SCN7A: variants seen among roughly 807,000 people sequenced by gnomAD.
SCN7A encodes sodium channel protein type 7 subunit alpha.
A neutral mutation model predicts 155.2 loss-of-function variants in SCN7A; 138 were observed. The ratio of observed to expected loss-of-function variants is 0.89; its 90% CI spans 0.77 to 1.02. The LOEUF is 1.02. Ranked by LOEUF, SCN7A falls within the 50% of genes least tolerant of loss-of-function variation. The probability of loss-of-function intolerance (pLI) is 0.00; values close to 1 mark genes in which losing one functional copy is unlikely to be tolerated. For synonymous variants in SCN7A, 693 were observed against 649.0 expected (o/e 1.07, Z -1.03); for missense variants, 2,058 against 1,986.6 (o/e 1.04, Z -0.68).
chr2:166,405,425 A>G lies in SCN7A; in HGVS notation c.*155T>C. Reference sequence around the variant, plus strand: ...TCTTGATTTGTTAGATATAATGCTAAAAAGTGAATTTGGCATGAAGTCTTG... The same window carrying G: ...TCTTGATTTGTTAGATATAATGCTAGAAAGTGAATTTGGCATGAAGTCTTG... On this transcript the variant is annotated 3_prime_UTR_variant, in exon 26 of 26. Coordinates refer to ENST00000643258, the MANE Select transcript of SCN7A (RefSeq NM_002976.4). The G allele has an allele frequency of 1.7e-6, 1 of 603,156 alleles. No homozygotes were observed. Among genetic ancestry groups the G allele is most frequent in the Non-Finnish European group, 2.8e-6 (1 of 353,474 alleles). 37.4% of individuals were successfully genotyped at this position (603,156 alleles called of 1,614,324 possible). A position where few individuals can be genotyped will look rare whatever the true frequency, so the allele number is the denominator to read the frequency against.
At chr2:166,410,384 T>A in intron 23 of SCN7A, 60 bp from the exon 24 acceptor site, 1 of 1,144,032 alleles carries the variant, frequency 8.7e-7, no homozygotes, top group Non-Finnish European at 1.2e-6. Context: ...TCCCTTATGT[T>A]AATAGGCATT....
chr2:166,489,308 A>G (rs1683026976), intron 1 of SCN7A, among the ~76,000 whole-genome samples: 1 of 152,234 alleles, frequency 6.6e-6, no homozygotes, highest in South Asian at 2.1e-4. Context: ...TAGCATGTGC[A>G]TAATGTTTTC....
chr2:166,449,322 G>A (rs916647331), intron 11 of SCN7A, among the ~76,000 whole-genome samples: 2 of 152,138 alleles, frequency 1.3e-5, no homozygotes, highest in Non-Finnish European at 2.9e-5. Context: ...GGTAAAGGCT[G>A]CTCTTGAATA....
chr2:166,447,345 T>C (rs1287494698), intron 12 of SCN7A, among the ~76,000 whole-genome samples: 1 of 152,144 alleles, frequency 6.6e-6, no homozygotes, highest in Non-Finnish European at 1.5e-5. Context: ...TATACCACAA[T>C]CTCTATATTT....
intron 1 of SCN7A, among the ~76,000 whole-genome samples, chr2:166,492,420 A>G (rs1232891350): frequency 6.6e-6 from 1 of 152,220 alleles, no homozygotes; most frequent in East Asian, 1.9e-4. Flanking sequence ...GGCCAAATAC[A>G]TTCAGCAATA....
intron 21 of SCN7A, among the ~76,000 whole-genome samples, chr2:166,414,217 T>A (rs1701292637): frequency 1.0e-5 from 1 of 99,742 alleles, no homozygotes; most frequent in Non-Finnish European, 1.9e-5. Context: ...TATGTAAATA[T>A]ATATAAATAT....
At chr2:166,444,654 A>G (rs556882793) in intron 13 of SCN7A, 108 bp downstream of exon 13, 1 of 662,922 alleles carries the variant, frequency 1.5e-6, no homozygotes, top group South Asian at 2.0e-5. Flanking sequence ...TGCATATTGC[A>G]ACATATTGGA....
chr2:166,413,538 T>C (rs1055819090), intron 21 of SCN7A, among the ~76,000 whole-genome samples: 1 of 151,960 alleles, frequency 6.6e-6, no homozygotes, highest in Non-Finnish European at 1.5e-5. Context: ...AGATAAAAAG[T>C]AGTGACTTGG....
In SCN7A at chr2:166,426,949, A is replaced by G. The variant is rs185556668; in HGVS notation, c.2853+839T>C. Among the ~76,000 whole-genome samples the G allele has an allele frequency of 1.9e-3, 282 of 152,250 alleles. 3 individuals carry two copies. The highest frequency in any genetic ancestry group is 1.8e-4 in the Non-Finnish European group (12 of 68,004). Reference sequence around the variant, plus strand: ...TGTTCTGTGCACCTCACAGTTAACTAGATCTTGTATGTAAGAATTCTCCTT... The same window carrying G: ...TGTTCTGTGCACCTCACAGTTAACTGGATCTTGTATGTAAGAATTCTCCTT... On this transcript the variant is annotated intron_variant, in intron 18 of 25. Coordinates refer to ENST00000643258, the MANE Select transcript of SCN7A (RefSeq NM_002976.4).
At chr2:166,491,630 G>A (rs1274804215) in intron 1 of SCN7A, among the ~76,000 whole-genome samples, 2 of 151,844 alleles carry the variant, frequency 1.3e-5, no homozygotes, top group South Asian at 2.1e-4. Context: ...TTGTCTGGTT[G>A]GTTAGTCCTC....
intron 20 of SCN7A, among the ~76,000 whole-genome samples, chr2:166,417,356 C>G (rs928758787): frequency 7.9e-5 from 12 of 151,956 alleles, no homozygotes; most frequent in Non-Finnish European, 1.3e-4. Flanking sequence ...ACCTGTAGTC[C>G]CAACTACTCG....
chr2:166,458,747 G>GATC (rs1354251130), intron 10 of SCN7A, among the ~76,000 whole-genome samples: 3 of 152,090 alleles, frequency 2.0e-5, no homozygotes, highest in African/African-American at 7.2e-5. Context: ...TGCCGCCTAG[G>GATC]ATCAATAGGC....
intron 12 of SCN7A, 52 bp from the exon 13 acceptor site, chr2:166,445,052 A>C: frequency 6.4e-5 from 72 of 1,125,794 alleles, no homozygotes; most frequent in Non-Finnish European, 8.7e-5. Flanking sequence ...GCAGTGGCTC[A>C]TGCCTGTAAT....
intron 21 of SCN7A, among the ~76,000 whole-genome samples, chr2:166,414,293 C>CATATATATATAT (rs1262942036): frequency 3.3e-4 from 14 of 42,086 alleles, no homozygotes; most frequent in Non-Finnish European, 4.3e-4. Flanking sequence ...TATACACACA[C>CATATATATATAT]ATATATATAT....
In SCN7A at chr2:166,465,987, CCTG is replaced by C. The variant is rs777690038; in HGVS notation, c.665-3_665-1del. 1 of 1,603,660 alleles carries C rather than the reference CCTG, an allele frequency of 6.2e-7. No homozygotes were observed. The highest frequency in any genetic ancestry group is 1.1e-5 in the South Asian group (1 of 90,038). Reference sequence around the variant, plus strand: ...CAGGACCCCTACAAGGGATTTCAGACCTGGAAAGAGAAACATTTGTTTTCGAAA... The same window carrying C: ...CAGGACCCCTACAAGGGATTTCAGACGAAAGAGAAACATTTGTTTTCGAAA... On this transcript the variant is annotated splice_acceptor_variant and splice_polypyrimidine_tract_variant and intron_variant, in intron 7 of 25. Transcript: ENST00000643258. LOFTEE classifies it high-confidence loss of function.
rs772100286 is a variant in SCN7A, at chr2:166,432,386, C to A, written c.2524G>T (p.Glu842Ter). 3 of 1,613,408 alleles carry A rather than the reference C, an allele frequency of 1.9e-6. No individual in the cohort carries two copies. In the South Asian group the frequency reaches 3.3e-5, roughly 18 times the overall value. Residue 842 changes from glutamate (E) to a stop codon, truncating the protein, a stop_gained, in exon 16 of 26, where the codon GAA becomes TAA. Coordinates refer to ENST00000643258, the MANE Select transcript of SCN7A (RefSeq NM_002976.4). LOFTEE classifies it high-confidence loss of function. ...TTATCCAGATTTTCTATATCAGATTCTCCTGAAGCAATTGGTACAGTTTCT... is the reference window on the plus strand; with the variant it reads ...TTATCCAGATTTTCTATATCAGATTATCCTGAAGCAATTGGTACAGTTTCT... ...VSETVPIASG[E>*]SDIENLDNKE...
At chr2:166,471,476 T>C (rs1305435930) in intron 6 of SCN7A, among the ~76,000 whole-genome samples, 5 of 151,832 alleles carry the variant, frequency 3.3e-5, no homozygotes, top group African/African-American at 4.8e-5. Context: ...GTAGTGATGG[T>C]AATAATTACA....
At chr2:166,480,213 T>C (rs1702889327) in intron 2 of SCN7A, among the ~76,000 whole-genome samples, 1 of 152,114 alleles carries the variant, frequency 6.6e-6, no homozygotes, top group South Asian at 2.1e-4. Context: ...ATCCCAGCAC[T>C]TTGGGAGGCT....
In SCN7A at chr2:166,472,076, T is replaced by G. The variant is rs143083363; in HGVS notation, c.572+241A>C. 1.4e-3 allele frequency among the ~76,000 whole-genome samples: 209 copies of G among 151,908 alleles called. 5 individuals carry two copies. In the East Asian group the frequency reaches 0.037, roughly 27 times the overall value. On this transcript the variant is annotated intron_variant, in intron 6 of 25. Transcript: ENST00000643258. ...GTGCTGCACCCATCAACTCGTCATT[T>G]AACATTAGGTATATCTCCTAATGCT...
Sources: gnomAD v4.1 joint callset for allele counts (sites outside exome capture counted in the v4.1 genomes callset) on GRCh38, gnomAD v4.1.1 for gene constraint, MANE v1.5 for transcripts, NCBI Gene and HGNC (gene_info 2026-07-23, HGNC 2026-07-21) for gene names.